Variants in MYOM2 observed in about 807,000 individuals in gnomAD.
MYOM2 encodes myomesin-2.
In MYOM2, 254 loss-of-function variants were observed where a neutral mutation model predicts 187.6. The observed-to-expected ratio is 1.35, with a 90% CI of 1.22 to 1.50. The LOEUF (loss-of-function observed/expected upper bound fraction) is 1.50. MYOM2 is among the 40% of genes most tolerant of loss of function. The pLI, the probability that MYOM2 is intolerant of heterozygous loss-of-function variation, is 0.00. For synonymous variants in MYOM2, 981 were observed against 753.8 expected (o/e 1.30, Z -4.94); for missense variants, 2,796 against 1,924.0 (o/e 1.45, Z -8.48).
In MYOM2 at chr8:2,078,749, G is replaced by T. The variant is rs760533934; in HGVS notation, c.1278G>T (p.Thr426=). 2 of 1,613,998 alleles carry T rather than the reference G, an allele frequency of 1.2e-6. No individual in the cohort carries two copies. Among genetic ancestry groups the T allele is most frequent in the Admixed American group, 3.3e-5 (2 of 59,986 alleles). Residue 426 remains threonine (T), a synonymous_variant, in exon 12 of 37, where the codon ACG becomes ACT. Transcript: ENST00000262113. ...GYFVDRCEVG[T]NNWVQCNDAP... ...TAACTTGAAGATGTGAAGTAGGAAC[G>T]AATAATTGGGTGCAGTGCAATGATG...
At chr8:2,116,382 C>A (rs888296138) in intron 27 of MYOM2, 107 bp downstream of exon 27, 2 of 1,105,432 alleles carry the variant, frequency 1.8e-6, no homozygotes, top group South Asian at 3.3e-5. Flanking sequence ...ACCCTAAAGG[C>A]TGTTTTAAAT....
chr8:2,078,795 T>C lies in MYOM2; in HGVS notation c.1324T>C (p.Tyr442His). 1 of 1,614,130 alleles carries C rather than the reference T, an allele frequency of 6.2e-7. No individual in the cohort carries two copies. Among genetic ancestry groups the C allele is most frequent in the South Asian group, 1.1e-5 (1 of 91,080 alleles). Residue 442 changes from tyrosine to histidine, a missense_variant, in exon 12 of 37, where the codon TAC becomes CAC. Transcript: ENST00000262113. ...CNDAPVKICKYPVTGLFEGRS... is the reference protein window; with the variant it reads ...CNDAPVKICKHPVTGLFEGRS... ...TGATGCACCGGTGAAAATCTGCAAA[T>C]ACCCGGTCACAGGGCTTTTTGAAGG...
rs371680694 is a variant in MYOM2, at chr8:2,092,484, G to C, written c.1967G>C (p.Trp656Ser). ...VDCCVAGTNL[W>S]EPCNHKPIGY... ...TGCTGTGTGGCCGGAACCAACCTCT[G>C]GGAGCCCTGCAACCACAAGCCCATC... Residue 656 changes from tryptophan (W) to serine (S), a missense_variant, in exon 16 of 37, where the codon TGG (tryptophan) becomes TCG (serine). Physicochemically the swap from Trp to Ser is radical, Grantham distance 177 (BLOSUM62 -3). Transcript: ENST00000262113. 1.9e-6 allele frequency: 3 copies of C among 1,614,068 alleles called. No homozygotes were observed. The highest frequency in any genetic ancestry group is 2.7e-5 in the African/African-American group (2 of 75,032).
chr8:2,071,720 C>T (rs541853101), intron 8 of MYOM2, among the ~76,000 whole-genome samples: 11 of 152,308 alleles, frequency 7.2e-5, no homozygotes, highest in African/African-American at 1.2e-4. Flanking sequence ...ACGCCATGGC[C>T]GGGGCAGTTT....
At chr8:2,079,479 G>A (rs1585864928) in intron 12 of MYOM2, 81 bp from the exon 13 acceptor site, 7 of 1,363,884 alleles carry the variant, frequency 5.1e-6, no homozygotes, top group Non-Finnish European at 7.3e-6. Flanking sequence ...AGGAGATGCA[G>A]AGCTGGCACA....
Position 2,069,506 on chromosome 8 carries a change from G to GT in MYOM2, c.793+14dup, listed in dbSNP as rs1194518463. 6.2e-7 allele frequency: 1 copy of GT among 1,614,030 alleles called. No homozygotes were observed. The highest frequency in any genetic ancestry group is 8.5e-7 in the Non-Finnish European group (1 of 1,180,014). On this transcript the variant is annotated intron_variant, in intron 8 of 36. Coordinates refer to ENST00000262113, the MANE Select transcript of MYOM2 (RefSeq NM_003970.4). Reference sequence around the variant, plus strand: ...GGGACTCCCGATTGGATGTAAGTGGGTTTTTGTTTCTTTTCTGTGTGGTGA... The same window carrying GT: ...GGGACTCCCGATTGGATGTAAGTGGGTTTTTTGTTTCTTTTCTGTGTGGTGA...
At chr8:2,077,840 C>G (rs1242035079) in intron 11 of MYOM2, among the ~76,000 whole-genome samples, 1 of 152,244 alleles carries the variant, frequency 6.6e-6, no homozygotes, top group Non-Finnish European at 1.5e-5. Flanking sequence ...TTCCTTTGGG[C>G]TTACGACTTG....
chr8:2,130,043 C>G (rs1198875412), intron 32 of MYOM2, among the ~76,000 whole-genome samples: 1 of 152,046 alleles, frequency 6.6e-6, no homozygotes, highest in African/African-American at 2.4e-5. Context: ...TTGATGGTGT[C>G]AAGGCACCCA....
chr8:2,088,469 G>A (rs149184769), intron 14 of MYOM2, among the ~76,000 whole-genome samples: 349 of 152,250 alleles, frequency 2.3e-3, no homozygotes, highest in African/African-American at 8.0e-3. Context: ...TGCCATCTTC[G>A]TGTGCGTGTG....
intron 2 of MYOM2, among the ~76,000 whole-genome samples, chr8:2,051,915 A>G (rs1818502580): frequency 6.6e-6 from 1 of 152,182 alleles, no homozygotes; most frequent in Non-Finnish European, 1.5e-5. Context: ...CCTTGCATTT[A>G]TGCATTTATT....
intron 17 of MYOM2, among the ~76,000 whole-genome samples, chr8:2,094,622 G>T (rs1035303754): frequency 2.6e-5 from 4 of 152,174 alleles, no homozygotes; most frequent in African/African-American, 7.2e-5. Flanking sequence ...CTGTACTCCA[G>T]CCTGGGGGGA....
intron 21 of MYOM2, 27 bp from the exon 22 acceptor site, chr8:2,106,215 C>T (rs376366439): frequency 3.8e-5 from 61 of 1,609,566 alleles, no homozygotes; most frequent in South Asian, 7.7e-5. Context: ...GTCCCTAAGC[C>T]GCTCACTTCA....
intron 23 of MYOM2, 138 bp from the exon 24 acceptor site, chr8:2,108,648 T>C: frequency 4.9e-6 from 4 of 821,132 alleles, no homozygotes; most frequent in Non-Finnish European, 8.2e-6. Context: ...TCCCTCAGAC[T>C]TGTAGTTTAA....
At chr8:2,064,417 G>A (rs746070134) in intron 6 of MYOM2, among the ~76,000 whole-genome samples, 8 of 152,336 alleles carry the variant, frequency 5.3e-5, no homozygotes, top group Middle Eastern at 3.4e-3. Flanking sequence ...TCCTTAGCGG[G>A]GCGCCTCCTG....
chr8:2,084,819 C>G (rs1530190), intron 13 of MYOM2, among the ~76,000 whole-genome samples: 1 of 151,848 alleles, frequency 6.6e-6, no homozygotes. Flanking sequence ...TGAGGGCACA[C>G]GGTATAAAGA....
At chr8:2,071,740 A>G (rs1819228491) in intron 8 of MYOM2, among the ~76,000 whole-genome samples, 1 of 152,184 alleles carries the variant, frequency 6.6e-6, no homozygotes, top group African/African-American at 2.4e-5. Flanking sequence ...TACGAACAGC[A>G]AACACTTATC....
intron 1 of MYOM2, among the ~76,000 whole-genome samples, chr8:2,049,543 C>G (rs1439071167): frequency 6.6e-6 from 1 of 152,204 alleles, no homozygotes; most frequent in Non-Finnish European, 1.5e-5. Context: ...TTGGCATTTT[C>G]CACCCAAGTC....
chr8:2,059,230 C>T lies in MYOM2; in HGVS notation c.638C>T (p.Thr213Ile), dbSNP rs751231838. Residue 213 changes from threonine to isoleucine, a missense_variant, in exon 6 of 37, where the codon ACA (threonine) becomes ATA (isoleucine). Physicochemically the swap from Thr to Ile is moderately conservative, Grantham distance 89. Transcript: ENST00000262113. ...ATTGAGAGCAACTATGGCGTACACA[C>T]ACTGGAGATCAACAGGTATGGCTGT... The part of the protein sequence containing the change: ...YRIESNYGVH[T>I]LEINRADFDD... 2 of 1,614,122 alleles carry T rather than the reference C, an allele frequency of 1.2e-6. No homozygotes were observed. Among genetic ancestry groups the T allele is most frequent in the South Asian group, 1.1e-5 (1 of 91,088 alleles).
chr8:2,055,495 A>G (rs1208274332), intron 3 of MYOM2, among the ~76,000 whole-genome samples: 1 of 152,282 alleles, frequency 6.6e-6, no homozygotes, highest in South Asian at 2.1e-4. Context: ...ATTGTAGGGA[A>G]AGGCTGTGTG....
Sources: allele counts gnomAD v4.1 joint callset (sites outside exome capture counted in the v4.1 genomes callset), GRCh38; gene constraint gnomAD v4.1.1; transcripts MANE v1.5; gene names NCBI Gene and HGNC (gene_info 2026-07-23, HGNC 2026-07-21).